Variants in DPP10 observed in about 807,000 individuals in gnomAD.
DPP10 encodes the protein dipeptidyl peptidase like 10, also known as inactive dipeptidyl peptidase 10.
DPP10 carries 33 observed loss-of-function variants against 120.9 expected under a neutral mutation model. The observed-to-expected ratio is 0.27, with a 90% CI of 0.21 to 0.37. The LOEUF (loss-of-function observed/expected upper bound fraction) is 0.37. DPP10 is among the 10% of genes least tolerant of loss of function. DPP10 has a pLI of 1.00. For missense variants in DPP10, 816 were observed against 942.8 expected (o/e 0.87, Z 1.76); for synonymous variants, 337 against 326.1 (o/e 1.03, Z -0.36).
chr2:114,895,656 G>A (rs921089900), intron 1 of DPP10, among the ~76,000 whole-genome samples: 5 of 152,064 alleles, frequency 3.3e-5, no homozygotes, highest in East Asian at 1.9e-4. Flanking sequence ...TTTTGATCAC[G>A]TCATGAACAT....
intron 5 of DPP10, among the ~76,000 whole-genome samples, chr2:115,594,856 A>G (rs2082893409): frequency 6.6e-6 from 1 of 152,172 alleles, no homozygotes; most frequent in South Asian, 2.1e-4. Context: ...TATAATTATT[A>G]CTGACAACAT....
intron 3 of DPP10, among the ~76,000 whole-genome samples, chr2:115,356,853 A>C (rs2064429419): frequency 6.6e-6 from 1 of 152,150 alleles, no homozygotes; most frequent in African/African-American, 2.4e-5. Context: ...TTCTTGGTAG[A>C]ATGATTTATT....
chr2:115,152,816 G>C (rs2104908556), intron 1 of DPP10, among the ~76,000 whole-genome samples: 1 of 152,318 alleles, frequency 6.6e-6, no homozygotes, highest in South Asian at 2.1e-4. Flanking sequence ...CAACGAAACA[G>C]CTGAGATTTT....
chr2:115,033,682 G>A (rs566061935), intron 1 of DPP10, among the ~76,000 whole-genome samples: 7 of 140,586 alleles, frequency 5.0e-5, no homozygotes, highest in South Asian at 4.8e-4. Flanking sequence ...AATTTTTACC[G>A]CAATATCTTC....
intron 1 of DPP10, among the ~76,000 whole-genome samples, chr2:114,652,813 A>C (rs938781291): frequency 6.6e-6 from 1 of 152,104 alleles, no homozygotes; most frequent in African/African-American, 2.4e-5. Context: ...GCTTGTGTTC[A>C]GGTTGGGGAG....
At chr2:114,967,857 C>A (rs1699142424) in intron 1 of DPP10, among the ~76,000 whole-genome samples, 1 of 151,820 alleles carries the variant, frequency 6.6e-6, no homozygotes, top group South Asian at 2.1e-4. Flanking sequence ...GAGTGCTAAC[C>A]AAAATATCAC....
chr2:115,096,015 C>T (rs1290140108), intron 1 of DPP10, among the ~76,000 whole-genome samples: 1 of 152,088 alleles, frequency 6.6e-6, no homozygotes, highest in Non-Finnish European at 1.5e-5. Flanking sequence ...TCTATCTTTA[C>T]AATGCCAAGA....
chr2:115,318,168 A>G (rs1424881269), intron 2 of DPP10, among the ~76,000 whole-genome samples: 3 of 152,044 alleles, frequency 2.0e-5, no homozygotes, highest in Non-Finnish European at 4.4e-5. Context: ...GTGAATAACC[A>G]TTTCACCCAG....
At chr2:114,477,293 G>C (rs1415355609) in intron 1 of DPP10, among the ~76,000 whole-genome samples, 2 of 151,904 alleles carry the variant, frequency 1.3e-5, no homozygotes, top group African/African-American at 4.8e-5. Flanking sequence ...TTTGTGACTG[G>C]CTTCTTTGCA....
At chr2:114,988,096 G>A (rs1342350848) in intron 1 of DPP10, among the ~76,000 whole-genome samples, 2 of 152,082 alleles carry the variant, frequency 1.3e-5, no homozygotes, top group Non-Finnish European at 2.9e-5. Flanking sequence ...GAGCCACCGC[G>A]CCCGGCCGCC....
intron 1 of DPP10, among the ~76,000 whole-genome samples, chr2:114,448,370 T>C (rs1292216917): frequency 6.6e-6 from 1 of 152,202 alleles, no homozygotes; most frequent in African/African-American, 2.4e-5. Flanking sequence ...GGTCAGTTAG[T>C]GAAGACATTC....
At chr2:114,529,962 A>G (rs971094082) in intron 1 of DPP10, among the ~76,000 whole-genome samples, 1 of 151,968 alleles carries the variant, frequency 6.6e-6, no homozygotes, top group African/African-American at 2.4e-5. Flanking sequence ...TGTTCCTTTA[A>G]TTTGCTAAGG....
chr2:114,617,527 A>G (rs960113125), intron 1 of DPP10, among the ~76,000 whole-genome samples: 1 of 152,114 alleles, frequency 6.6e-6, no homozygotes. Flanking sequence ...AAAAATGACC[A>G]GTGGCAGTGT....
At chr2:114,938,472 T>C (rs946897330) in intron 1 of DPP10, among the ~76,000 whole-genome samples, 3 of 152,134 alleles carry the variant, frequency 2.0e-5, no homozygotes, top group African/African-American at 7.2e-5. Flanking sequence ...CAGAAGTGGA[T>C]TACTGAGTTA....
chr2:115,124,099 C>A (rs1028550749), intron 1 of DPP10, among the ~76,000 whole-genome samples: 3 of 151,914 alleles, frequency 2.0e-5, no homozygotes, highest in Non-Finnish European at 2.9e-5. Context: ...TACCACCACA[C>A]CTGGCTAATT....
At chr2:114,662,517 C>T (rs1697502905) in intron 1 of DPP10, among the ~76,000 whole-genome samples, 1 of 152,056 alleles carries the variant, frequency 6.6e-6, no homozygotes, top group Admixed American at 6.5e-5. Flanking sequence ...GACCCGCGAC[C>T]ACTACAAGAC....
At chr2:115,725,500 CA>C (rs1185394307) in intron 7 of DPP10, among the ~76,000 whole-genome samples, 2 of 152,182 alleles carry the variant, frequency 1.3e-5, no homozygotes, top group Non-Finnish European at 2.9e-5. Context: ...TGTTCTTCTA[CA>C]TTGAAGCAGA....
chr2:115,735,628 C>G (rs1289790269), intron 8 of DPP10, among the ~76,000 whole-genome samples: 1 of 150,076 alleles, frequency 6.7e-6, no homozygotes, highest in Non-Finnish European at 1.5e-5. Context: ...TCAAGAGATT[C>G]TCCTGCCCCA....
chr2:115,266,482 T>G (rs923694783), intron 1 of DPP10, among the ~76,000 whole-genome samples: 3 of 152,196 alleles, frequency 2.0e-5, no homozygotes, highest in African/African-American at 7.2e-5. Flanking sequence ...TTAACTCAAG[T>G]GAAGGATAAC....
Sources: gnomAD v4.1 joint callset for allele counts (sites outside exome capture counted in the v4.1 genomes callset) on GRCh38, gnomAD v4.1.1 for gene constraint, MANE v1.5 for transcripts, NCBI Gene and HGNC (gene_info 2026-07-23, HGNC 2026-07-21) for gene names.